Variants in MYH16 observed in about 807,000 individuals in gnomAD.
MYH16 encodes the protein putative uncharacterized protein MYH16.
intron 31 of MYH16, among the ~76,000 whole-genome samples, 177 bp downstream of exon 12, chr7:99,291,627 A>ACC (rs1197011760): frequency 1.1e-4 from 7 of 63,596 alleles, no homozygotes; most frequent in African/African-American, 3.9e-4. Context: ...ACCCCCCCCC[A>ACC]CCCCCCCCAC....
At chr7:99,284,432 T>G (rs1792248105) in intron 25 of MYH16, among the ~76,000 whole-genome samples, 1 of 151,916 alleles carries the variant, frequency 6.6e-6, no homozygotes, top group Non-Finnish European at 1.5e-5. Flanking sequence ...CTACAAAAAA[T>G]ACAAAAATTA....
At chr7:99,242,908 C>G (rs1165385539) in intron 1 of MYH16, among the ~76,000 whole-genome samples, 1 of 152,214 alleles carries the variant, frequency 6.6e-6, no homozygotes, top group East Asian at 1.9e-4. Flanking sequence ...AGAATAAGCT[C>G]TGATCATCTA....
intron 2 of MYH16, among the ~76,000 whole-genome samples, chr7:99,245,891 G>T (rs1428567490): frequency 2.0e-5 from 3 of 152,056 alleles, no homozygotes; most frequent in African/African-American, 7.2e-5. Flanking sequence ...TGAAAAGAAA[G>T]TTGGGGTCTC....
At chr7:99,281,846 G>C (rs932051338) in intron 23 of MYH16, among the ~76,000 whole-genome samples, 1 of 152,190 alleles carries the variant, frequency 6.6e-6, no homozygotes, top group Admixed American at 6.5e-5. Context: ...CAGGGGCAAA[G>C]AGCCAGACAG....
intron 28 of MYH16, 31 bp from the exon 10 acceptor site, chr7:99,287,861 G>T (rs781233161): frequency 1.3e-5 from 6 of 449,796 alleles, no homozygotes; most frequent in South Asian, 9.3e-5. Flanking sequence ...GCACTGGCCA[G>T]TTCTGCTAAG....
At chr7:99,264,771 A>T (rs1242416387) in intron 15 of MYH16, among the ~76,000 whole-genome samples, 1 of 152,162 alleles carries the variant, frequency 6.6e-6, no homozygotes, top group African/African-American at 2.4e-5. Flanking sequence ...CTAACAGTGG[A>T]CAGGGCTTTG....
At chr7:99,288,055 C>G (rs1341311028) in exon 29 of MYH16, 1 of 456,756 alleles carries the variant, frequency 2.2e-6, no homozygotes, top group Non-Finnish European at 4.4e-6. Flanking sequence ...AGGGTCAAGT[C>G]CAAGCTAGAG....
At chr7:99,289,305 G>A (rs748134996) in exon 30 of MYH16, 2 of 436,128 alleles carry the variant, frequency 4.6e-6, no homozygotes, top group South Asian at 1.6e-5. Flanking sequence ...CGAGGCCCAC[G>A]TCAGAAAGCT....
chr7:99,293,607 G>A (rs1001868280), intron 32 of MYH16, among the ~76,000 whole-genome samples: 1 of 152,116 alleles, frequency 6.6e-6, no homozygotes, highest in Non-Finnish European at 1.5e-5. Flanking sequence ...TCTCTCCTGA[G>A]TCTGTATTTG....
At chr7:99,275,557 T>C (rs1792100144) in intron 20 of MYH16, among the ~76,000 whole-genome samples, 1 of 152,242 alleles carries the variant, frequency 6.6e-6, no homozygotes, top group Admixed American at 6.5e-5. Flanking sequence ...ACAACTCTAA[T>C]CAAAGGGTGT....
intron 18 of MYH16, among the ~76,000 whole-genome samples, chr7:99,268,032 G>A (rs1405860153): frequency 3.3e-5 from 5 of 152,284 alleles, no homozygotes; most frequent in Admixed American, 6.5e-5. Context: ...CACTTATGGT[G>A]CGCCTACTGT....
At chr7:99,268,520 T>A (rs1204526439) in intron 18 of MYH16, among the ~76,000 whole-genome samples, 2 of 152,248 alleles carry the variant, frequency 1.3e-5, no homozygotes, top group African/African-American at 4.8e-5. Context: ...CCAAACAGAC[T>A]GCATCTTGCT....
chr7:99,273,212 C>T (rs1425983200), intron 19 of MYH16, 130 bp from the exon 2 acceptor site: 4 of 404,892 alleles, frequency 9.9e-6, no homozygotes, highest in South Asian at 3.6e-5. Context: ...TGCTGGGTCT[C>T]GAGAAGGCAC....
intron 30 of MYH16, among the ~76,000 whole-genome samples, chr7:99,289,790 T>A (rs949692709): frequency 6.6e-6 from 1 of 152,218 alleles, no homozygotes; most frequent in Non-Finnish European, 1.5e-5. Context: ...AAAGAGCATT[T>A]GAAAGGCAGA....
intron 9 of MYH16, among the ~76,000 whole-genome samples, chr7:99,256,732 G>T (rs1446973350): frequency 6.6e-6 from 1 of 152,188 alleles, no homozygotes; most frequent in Admixed American, 6.5e-5. Flanking sequence ...CGGAGATTGT[G>T]CCACTGCATT....
At chr7:99,283,846 C>T (rs1452937219) in intron 24 of MYH16, 27 bp from the exon 7 acceptor site, 2 of 450,680 alleles carry the variant, frequency 4.4e-6, no homozygotes, top group Non-Finnish European at 8.9e-6. Context: ...CCTCGTCTAC[C>T]TTCTCTTGCT....
intron 29 of MYH16, among the ~76,000 whole-genome samples, chr7:99,289,068 T>C (rs1792328950): frequency 6.6e-6 from 1 of 151,356 alleles, no homozygotes; most frequent in Admixed American, 6.6e-5. Context: ...GAGCTCTGAT[T>C]GCACCTATGC....
exon 29 of MYH16, chr7:99,287,999 C>T (rs1217188050): frequency 4.4e-6 from 2 of 456,744 alleles, no homozygotes; most frequent in South Asian, 1.5e-5. Flanking sequence ...GCAAGAAGCA[C>T]GTGGACTCCA....
chr7:99,245,482 C>T (rs1432073537), intron 2 of MYH16, among the ~76,000 whole-genome samples: 1 of 152,102 alleles, frequency 6.6e-6, no homozygotes, highest in Non-Finnish European at 1.5e-5. Context: ...TTCACTCATT[C>T]TTCCTGCTCT....
Sources: gnomAD v4.1 joint callset for allele counts (sites outside exome capture counted in the v4.1 genomes callset) on GRCh38, gnomAD v4.1.1 for gene constraint, MANE v1.5 for transcripts, NCBI Gene and HGNC (gene_info 2026-07-23, HGNC 2026-07-21) for gene names.